The following FBLN2 variants were observed in gnomAD, a reference collection of about 807,000 sequenced individuals.
The protein encoded by FBLN2 is fibulin 2, also known as fibulin-2.
FBLN2 carries 81 observed loss-of-function variants against 123.7 expected under a neutral mutation model. That is an observed-to-expected ratio of 0.65 (90% CI 0.55 to 0.79). The LOEUF (loss-of-function observed/expected upper bound fraction) is 0.79. Ranked by LOEUF, FBLN2 falls within the 30% of genes least tolerant of loss-of-function variation. FBLN2 has a pLI of 0.00. For synonymous variants in FBLN2, 699 were observed against 701.4 expected (o/e 1.00, Z 0.05); for missense variants, 1,603 against 1,681.3 (o/e 0.95, Z 0.81).
chr3:13,570,363 T>C lies in FBLN2; in HGVS notation c.8T>C (p.Leu3Pro). The C allele has an allele frequency of 6.4e-7, 1 of 1,559,244 alleles. No individual in the cohort carries two copies. Among genetic ancestry groups the C allele is most frequent in the Non-Finnish European group, 8.7e-7 (1 of 1,151,060 alleles). Residue 3 changes from leucine (L) to proline (P), a missense_variant, in exon 2 of 18, where the codon CTG becomes CCG. Coordinates refer to ENST00000404922, the MANE Select transcript of FBLN2 (RefSeq NM_001004019.2). MVLLWEPAGAWLA... is the reference protein window; with the variant it reads MVPLWEPAGAWLA... ...CCTGGGCTGGCCTGGACCATGGTGC[T>C]GCTCTGGGAGCCTGCAGGAGCCTGG...
intron 3 of FBLN2, 108 bp downstream of exon 3, chr3:13,608,281 A>G (rs919464188): frequency 9.3e-6 from 7 of 748,768 alleles, no homozygotes; most frequent in Non-Finnish European, 1.3e-5. Context: ...GCACCTTCAC[A>G]TGCCTCTGGG....
intron 2 of FBLN2, among the ~76,000 whole-genome samples, chr3:13,572,834 G>T (rs545029570): frequency 1.3e-5 from 2 of 152,360 alleles, no homozygotes; most frequent in Admixed American, 6.5e-5. Flanking sequence ...TACTTTAGGA[G>T]CCTTGAACTC....
intron 5 of FBLN2, among the ~76,000 whole-genome samples, chr3:13,615,467 C>A (rs1705566617): frequency 6.6e-6 from 1 of 152,216 alleles, no homozygotes; most frequent in East Asian, 1.9e-4. Flanking sequence ...CAAGATTAAA[C>A]TCTTGGCCTC....
intron 2 of FBLN2, among the ~76,000 whole-genome samples, chr3:13,582,734 G>A (rs1252460118): frequency 6.6e-6 from 1 of 152,282 alleles, no homozygotes; most frequent in African/African-American, 2.4e-5. Flanking sequence ...ATTACTGAGA[G>A]GAGCAGGCGG....
chr3:13,638,355 T>C lies in FBLN2; in HGVS notation c.*436T>C, dbSNP rs7596. 6.4e-6 allele frequency: 2 copies of C among 313,074 alleles called. No individual in the cohort carries two copies. Among genetic ancestry groups the C allele is most frequent in the South Asian group, 5.3e-5 (2 of 38,076 alleles). The allele number at this position is 313,074 out of a possible 1,614,324, so 19.4% of individuals were successfully genotyped here. On this transcript the variant is annotated 3_prime_UTR_variant, in exon 18 of 18. Transcript: ENST00000404922. ...TATAAAGTAGTACATGTACATTATA[T>C]AAAAAAAAGTTCAACTAGTATGAAA...
intron 16 of FBLN2, among the ~76,000 whole-genome samples, chr3:13,632,489 G>C (rs992110832): frequency 6.6e-6 from 1 of 152,204 alleles, no homozygotes; most frequent in African/African-American, 2.4e-5. Flanking sequence ...CACAGTGCAG[G>C]CTGGTGGTTG....
At chr3:13,569,775 CG>C (rs953993881) in intron 1 of FBLN2, among the ~76,000 whole-genome samples, 14 of 151,920 alleles carry the variant, frequency 9.2e-5, no homozygotes, top group African/African-American at 3.4e-4. Flanking sequence ...AGCTGTGGTG[CG>C]TGGCTGGGGA....
At chr3:13,608,578 T>C (rs1705285620) in intron 3 of FBLN2, among the ~76,000 whole-genome samples, 1 of 152,196 alleles carries the variant, frequency 6.6e-6, no homozygotes, top group Admixed American at 6.5e-5. Flanking sequence ...TACCCTTGGG[T>C]CTTCAGGAGG....
At chr3:13,630,069 A>AGG in intron 14 of FBLN2, 124 bp downstream of exon 14, 1 of 1,361,826 alleles carries the variant, frequency 7.3e-7, no homozygotes, top group Non-Finnish European at 1.0e-6. Flanking sequence ...ACCTTCACCC[A>AGG]TGCTGGCCCT....
At chr3:13,585,977 G>A (rs1704483968) in intron 2 of FBLN2, among the ~76,000 whole-genome samples, 1 of 152,178 alleles carries the variant, frequency 6.6e-6, no homozygotes, top group South Asian at 2.1e-4. Context: ...TTGAAAAATA[G>A]TTAACTATAA....
intron 2 of FBLN2, among the ~76,000 whole-genome samples, chr3:13,573,656 C>G (rs1297272848): frequency 6.6e-6 from 1 of 152,168 alleles, no homozygotes; most frequent in Non-Finnish European, 1.5e-5. Context: ...GTAATCCCAG[C>G]ACTTTGGGAG....
chr3:13,578,295 A>G (rs1704212633), intron 2 of FBLN2, among the ~76,000 whole-genome samples: 1 of 152,242 alleles, frequency 6.6e-6, no homozygotes, highest in African/African-American at 2.4e-5. Context: ...CCAGAATCTA[A>G]TCTCAGAGCA....
chr3:13,564,823 G>A (rs1703698250), intron 1 of FBLN2, among the ~76,000 whole-genome samples: 1 of 152,226 alleles, frequency 6.6e-6, no homozygotes, highest in Non-Finnish European at 1.5e-5. Flanking sequence ...GTGGATGAAT[G>A]TGAAGGTTAA....
intron 2 of FBLN2, among the ~76,000 whole-genome samples, chr3:13,578,470 GTGACTCTTTCACTTAGCACGATGTT>G (rs1310069625): frequency 1.3e-5 from 2 of 152,208 alleles, no homozygotes; most frequent in Non-Finnish European, 2.9e-5. Context: ...TTTCTAGTGT[GTGACTCTTTCACTTAGCACGATGTT>G]TTCAGGGTCC....
rs548463358 is a variant in FBLN2 at position 13,559,889 on chromosome 3, C to G, written c.-41-10426C>G. ...CATGCCTGGGGATTAGGACTCCCCC[C>G]GCCCCAGGCGGGGCATGGGTGTGCC... On this transcript the variant is annotated intron_variant, in intron 1 of 17. Coordinates refer to ENST00000404922, the MANE Select transcript of FBLN2 (RefSeq NM_001004019.2). Among the ~76,000 whole-genome samples, 6 of 152,272 alleles carry G rather than the reference C, an allele frequency of 3.9e-5. No individual in the cohort carries two copies. The Middle Eastern group carries it at 0.017, about 432-fold the overall frequency.
chr3:13,599,141 C>T (rs1361962982), intron 2 of FBLN2, among the ~76,000 whole-genome samples: 1 of 152,176 alleles, frequency 6.6e-6, no homozygotes, highest in Non-Finnish European at 1.5e-5. Flanking sequence ...CCCCAAGGCT[C>T]CCCAAGATGA....
At position 13,631,441 on chromosome 3, in the gene FBLN2, C is replaced by T. The variant is rs745865222; in HGVS notation, c.3198C>T (p.Asn1066=). 34 of 1,594,004 alleles carry T rather than the reference C, an allele frequency of 2.1e-5. No individual in the cohort carries two copies. Among genetic ancestry groups the T allele is most frequent in the Middle Eastern group, 3.3e-4 (2 of 6,032 alleles). Residue 1066 remains asparagine (N), a synonymous_variant, in exon 16 of 18, where the codon AAC becomes AAT. Coordinates refer to ENST00000404922, the MANE Select transcript of FBLN2 (RefSeq NM_001004019.2). Reference sequence around the variant, plus strand: ...AGCAGGGCTACACCATGACGGCCAACGGGAGGTCCTGCAAGGGTGAGCAAG... The same window carrying T: ...AGCAGGGCTACACCATGACGGCCAATGGGAGGTCCTGCAAGGGTGAGCAAG... ...CPEQGYTMTA[N]GRSCKDVDEC... is the part of the protein sequence containing the mutation.
In FBLN2 at chr3:13,608,099, C is replaced by A; in HGVS notation, c.1344C>A (p.Ala448=). ...TKDLIETCCA[A]GQQWAIDNDE... ...ACCTGATCGAGACTTGCTGCGCAGC[C>A]GGACAGCAGTGGGCCATTGACAATG... Residue 448 remains alanine (A), a synonymous_variant, in exon 3 of 18, where the codon GCC becomes GCA. Transcript: ENST00000404922. 1.3e-6 allele frequency: 2 copies of A among 1,595,758 alleles called. No homozygotes were observed. The highest frequency in any genetic ancestry group is 2.3e-5 in the South Asian group (2 of 87,416).
rs755558915 is a variant in FBLN2 at position 13,621,739 on chromosome 3, C to T, written c.2156-36C>T. On this transcript the variant is annotated intron_variant, in intron 8 of 17. Transcript: ENST00000404922. ...TCCGTGGCAGCCCATGTCCCTCTAACAGTCCTTCTGTTTTTCCTCCTGCGG... is the reference window on the plus strand; with the variant it reads ...TCCGTGGCAGCCCATGTCCCTCTAATAGTCCTTCTGTTTTTCCTCCTGCGG... The T allele has an allele frequency of 1.2e-5, 20 of 1,611,876 alleles. No individual in the cohort carries two copies. The Admixed American group carries it at 1.3e-4, about 11-fold the overall frequency.
Sources: allele counts gnomAD v4.1 joint callset (sites outside exome capture counted in the v4.1 genomes callset), GRCh38; gene constraint gnomAD v4.1.1; transcripts MANE v1.5; gene names NCBI Gene and HGNC (gene_info 2026-07-23, HGNC 2026-07-21).